The following MTHFD1L variants were observed in gnomAD, a reference collection of about 807,000 sequenced individuals.
The protein encoded by MTHFD1L is monofunctional C1-tetrahydrofolate synthase, mitochondrial.
MTHFD1L carries 81 observed loss-of-function variants against 119.5 expected under a neutral mutation model. The ratio of observed to expected loss-of-function variants is 0.68; its 90% CI spans 0.57 to 0.82. The LOEUF is 0.82. MTHFD1L is among the 40% of genes least tolerant of loss of function. The pLI, the probability that MTHFD1L is intolerant of heterozygous loss-of-function variation, is 0.00. For missense variants in MTHFD1L, 1,125 were observed against 1,253.4 expected (o/e 0.90, Z 1.55); for synonymous variants, 430 against 475.2 (o/e 0.90, Z 1.24).
chr6:151,023,441 A>T (rs1012776419), intron 24 of MTHFD1L, among the ~76,000 whole-genome samples: 6 of 152,038 alleles, frequency 3.9e-5, no homozygotes, highest in Admixed American at 1.3e-4. Context: ...TAGGTTCTTT[A>T]TGAAACCTCT....
intron 20 of MTHFD1L, among the ~76,000 whole-genome samples, chr6:150,992,835 C>A (rs1326930175): frequency 6.6e-6 from 1 of 152,086 alleles, no homozygotes; most frequent in Non-Finnish European, 1.5e-5. Context: ...AGCAGGGCTA[C>A]GACTCTCTCT....
chr6:150,986,408 A>G (rs1778304942), intron 20 of MTHFD1L, among the ~76,000 whole-genome samples: 1 of 152,242 alleles, frequency 6.6e-6, no homozygotes, highest in Admixed American at 6.5e-5. Flanking sequence ...ATCTGTATGT[A>G]TGTGCTGTGT....
chr6:151,021,959 T>C (rs1783999667), intron 24 of MTHFD1L: 1 of 468,776 alleles, frequency 2.1e-6, no homozygotes, highest in Non-Finnish European at 4.4e-6. Flanking sequence ...CATTTTAAGG[T>C]GTAGCCTTGA....
intron 8 of MTHFD1L, among the ~76,000 whole-genome samples, chr6:150,910,898 T>C (rs1246231176): frequency 6.6e-6 from 1 of 152,210 alleles, no homozygotes; most frequent in Non-Finnish European, 1.5e-5. Flanking sequence ...ATTCTGAACA[T>C]GTAAGAAAAG....
At position 151,065,480 on chromosome 6, in the gene MTHFD1L, A is replaced by G. The variant is rs75024268; in HGVS notation, c.2848-26987A>G. Among the ~76,000 whole-genome samples, 365 of 152,334 alleles carry G rather than the reference A, an allele frequency of 2.4e-3. 1 individual carries two copies. The highest frequency in any genetic ancestry group is 4.3e-3 in the Non-Finnish European group (293 of 68,032). On this transcript the variant is annotated intron_variant, in intron 26 of 27. Coordinates refer to ENST00000367321, the MANE Select transcript of MTHFD1L (RefSeq NM_015440.5). Reference sequence around the variant, plus strand: ...AAAGAGGGGATGGATTGACCCAGATAACAGAAAAGTGCTAGGCTAGATCTG... The same window carrying G: ...AAAGAGGGGATGGATTGACCCAGATGACAGAAAAGTGCTAGGCTAGATCTG...
At chr6:150,941,278 G>T (rs554925059) in intron 13 of MTHFD1L, among the ~76,000 whole-genome samples, 1 of 152,196 alleles carries the variant, frequency 6.6e-6, no homozygotes, top group African/African-American at 2.4e-5. Flanking sequence ...CTGGAGCCCC[G>T]TGGGCCAGCG....
At chr6:151,087,209 G>T (rs1051611107) in intron 26 of MTHFD1L, among the ~76,000 whole-genome samples, 1 of 151,846 alleles carries the variant, frequency 6.6e-6, no homozygotes, top group Non-Finnish European at 1.5e-5. Flanking sequence ...AGATCACGCT[G>T]CTGCAGTCCA....
intron 4 of MTHFD1L, among the ~76,000 whole-genome samples, chr6:150,880,793 C>T (rs1781282392): frequency 6.6e-6 from 1 of 152,152 alleles, no homozygotes. Flanking sequence ...AATAGCCATT[C>T]TAGCTTGATA....
At chr6:150,932,792 A>G (rs1366840341) in intron 11 of MTHFD1L, among the ~76,000 whole-genome samples, 3 of 124,182 alleles carry the variant, frequency 2.4e-5, no homozygotes, top group African/African-American at 7.9e-5. Flanking sequence ...AAGAGAAAGG[A>G]AGAAAGGGAG....
chr6:150,960,489 T>C, intron 18 of MTHFD1L, 74 bp downstream of exon 18: 2 of 1,505,102 alleles, frequency 1.3e-6, no homozygotes, highest in Non-Finnish European at 1.8e-6. Context: ...AGAAAGGTTT[T>C]CTTCCTTTTA....
intron 11 of MTHFD1L, among the ~76,000 whole-genome samples, chr6:150,932,163 A>AAT (rs1363906526): frequency 1.4e-5 from 2 of 145,112 alleles, no homozygotes; most frequent in East Asian, 4.0e-4. Flanking sequence ...CTCCATCTCA[A>AAT]AAAAAAAAAA....
intron 26 of MTHFD1L, among the ~76,000 whole-genome samples, chr6:151,055,340 G>A (rs1409636852): frequency 6.6e-6 from 1 of 151,982 alleles, no homozygotes; most frequent in African/African-American, 2.4e-5. Flanking sequence ...AGTGCTTTGT[G>A]TGTATTAACT....
intron 4 of MTHFD1L, among the ~76,000 whole-genome samples, chr6:150,881,002 C>T (rs766874792): frequency 5.9e-5 from 9 of 152,082 alleles, no homozygotes; most frequent in Non-Finnish European, 1.0e-4. Context: ...CCTTGTCGGA[C>T]GCATACTTTG....
rs763935678 is a variant in MTHFD1L at position 151,009,974 on chromosome 6, G to A, written c.2265+16G>A. 2.2e-5 allele frequency: 35 copies of A among 1,581,272 alleles called. No homozygotes were observed. In the East Asian group the frequency reaches 5.3e-4, roughly 24 times the overall value. The stretch of plus-strand genomic sequence containing the variant: ...CGGGCCAAGTGTAAGTGCCCACACC[G>A]CCTTCCTAATACCAAAGAAATTTCA... On this transcript the variant is annotated intron_variant, in intron 21 of 27. Transcript: ENST00000367321.
intron 21 of MTHFD1L, among the ~76,000 whole-genome samples, chr6:151,012,025 A>ACAACAAC (rs1562535606): frequency 1.9e-5 from 1 of 53,008 alleles, no homozygotes; most frequent in African/African-American, 8.2e-5. Context: ...ACAACAAAAA[A>ACAACAAC]AAAAAAAAAA....
intron 26 of MTHFD1L, among the ~76,000 whole-genome samples, chr6:151,051,873 C>A (rs1308634205): frequency 6.6e-6 from 1 of 152,226 alleles, no homozygotes; most frequent in African/African-American, 2.4e-5. Flanking sequence ...AGGCCCATCA[C>A]CCTGGCTGCG....
At chr6:151,054,564 C>T (rs1175331556) in intron 26 of MTHFD1L, among the ~76,000 whole-genome samples, 1 of 152,184 alleles carries the variant, frequency 6.6e-6, no homozygotes, top group African/African-American at 2.4e-5. Context: ...CTCTCTACGT[C>T]ATTACTTTAA....
intron 20 of MTHFD1L, among the ~76,000 whole-genome samples, chr6:150,991,969 G>A (rs746238502): frequency 1.3e-5 from 2 of 152,152 alleles, no homozygotes; most frequent in Non-Finnish European, 2.9e-5. Flanking sequence ...AAATAGACTG[G>A]AGTCTCATTC....
chr6:150,937,449 T>C (rs1217500100), intron 12 of MTHFD1L, among the ~76,000 whole-genome samples: 2 of 152,352 alleles, frequency 1.3e-5, no homozygotes, highest in East Asian at 3.9e-4. Flanking sequence ...CATTACTCTT[T>C]CTTCCCTGAT....
Sources: allele counts gnomAD v4.1 joint callset (sites outside exome capture counted in the v4.1 genomes callset), GRCh38; gene constraint gnomAD v4.1.1; transcripts MANE v1.5; gene names NCBI Gene and HGNC (gene_info 2026-07-23, HGNC 2026-07-21).